TMT1B: variants seen among roughly 807,000 people sequenced by gnomAD.
TMT1B encodes thiol S-methyltransferase TMT1B.
chr12:55,682,383 C>A, the TMT1B span: 1 of 863,698 alleles, frequency 1.2e-6, no homozygotes, highest in Non-Finnish European at 1.8e-6. Context: ...CCTCTACCTG[C>A]TGGTGAATAG....
chr12:55,683,831 T>C, the TMT1B span: 1 of 1,614,028 alleles, frequency 6.2e-7, no homozygotes, highest in Non-Finnish European at 8.5e-7. Context: ...GCTCTTTTTC[T>C]GGGAGCATGT....
the TMT1B span, among the ~76,000 whole-genome samples, chr12:55,683,441 G>A: frequency 3.3e-5 from 5 of 152,022 alleles, no homozygotes; most frequent in South Asian, 2.1e-4. Flanking sequence ...GTTGCAGTGC[G>A]CCGAGATCAC....
chr12:55,681,811 G>T, the TMT1B span: 6 of 1,555,200 alleles, frequency 3.9e-6, no homozygotes, highest in Non-Finnish European at 5.2e-6. Flanking sequence ...CCCTGCCCCT[G>T]CACCTCATGG....
chr12:55,683,728 C>A, the TMT1B span: 2 of 1,355,920 alleles, frequency 1.5e-6, no homozygotes, highest in Non-Finnish European at 2.1e-6. Context: ...CCCATTTCAC[C>A]AAGAAGTTTG....
chr12:55,684,150 A>G, the TMT1B span: 3 of 1,082,416 alleles, frequency 2.8e-6, no homozygotes, highest in Non-Finnish European at 4.1e-6. Flanking sequence ...GGGACCTAGC[A>G]GAATGAGAGA....
chr12:55,681,759 A>C, the TMT1B span: 2 of 1,548,836 alleles, frequency 1.3e-6, no homozygotes, highest in East Asian at 4.9e-5. Context: ...TCTGCCATGG[A>C]CATCCTGGTC....
At chr12:55,683,648 G>T in the TMT1B span, among the ~76,000 whole-genome samples, 1 of 152,098 alleles carries the variant, frequency 6.6e-6, no homozygotes, top group African/African-American at 2.4e-5. Context: ...CACTTTGAAG[G>T]CGGTAGCAGG....
At chr12:55,683,565 C>T in the TMT1B span, among the ~76,000 whole-genome samples, 1 of 152,126 alleles carries the variant, frequency 6.6e-6, no homozygotes, top group Non-Finnish European at 1.5e-5. Context: ...CTTCTGCATG[C>T]CCTCGGTTAT....
At chr12:55,682,055 C>A in the TMT1B span, 1 of 1,614,234 alleles carries the variant, frequency 6.2e-7, no homozygotes, top group Admixed American at 1.7e-5. Context: ...AGACCCAAAT[C>A]CCCACTTTGA....
chr12:55,681,812 C>T, the TMT1B span: 1 of 1,555,710 alleles, frequency 6.4e-7, no homozygotes. Flanking sequence ...CCTGCCCCTG[C>T]ACCTCATGGC....
chr12:55,683,107 C>A, the TMT1B span, among the ~76,000 whole-genome samples: 110 of 152,270 alleles, frequency 7.2e-4, no homozygotes, highest in Non-Finnish European at 1.3e-3. Flanking sequence ...AAGAGTTGGG[C>A]CTGAGGTTTC....
At chr12:55,683,875 G>T in the TMT1B span, 1 of 1,614,090 alleles carries the variant, frequency 6.2e-7, no homozygotes, top group Non-Finnish European at 8.5e-7. Flanking sequence ...CCTTCATGTG[G>T]CAGCAAGTTT....
chr12:55,683,781 C>G, the TMT1B span: 5 of 1,602,976 alleles, frequency 3.1e-6, no homozygotes, highest in Non-Finnish European at 3.4e-6. Context: ...CAGAATGGAG[C>G]CAAGTGACAC....
At chr12:55,683,306 CAACATGGTGA>C in the TMT1B span, among the ~76,000 whole-genome samples, 8 of 152,046 alleles carry the variant, frequency 5.3e-5, no homozygotes, top group Non-Finnish European at 1.5e-5. Flanking sequence ...CCAGACTGGC[CAACATGGTGA>C]AACCCTGTCT....
At chr12:55,684,178 C>T in the TMT1B span, 4 of 843,328 alleles carry the variant, frequency 4.7e-6, no homozygotes, top group Non-Finnish European at 7.5e-6. Flanking sequence ...CATGTACCAC[C>T]TACTAGTCCC....
the TMT1B span, chr12:55,684,124 C>CT: frequency 7.5e-7 from 1 of 1,339,488 alleles, no homozygotes; most frequent in Non-Finnish European, 1.1e-6. Flanking sequence ...ACCAGCCTAT[C>CT]TATCTTCCAC....
At chr12:55,682,602 C>T in the TMT1B span, among the ~76,000 whole-genome samples, 5 of 85,222 alleles carry the variant, frequency 5.9e-5, no homozygotes, top group Non-Finnish European at 8.8e-5. Context: ...GAGATGCCGT[C>T]TCTACAAAAA....
chr12:55,683,938 C>T, the TMT1B span: 21 of 1,614,012 alleles, frequency 1.3e-5, no homozygotes, highest in South Asian at 2.1e-4. Context: ...CCAGAGAGAC[C>T]TGGAAGGATC....
the TMT1B span, among the ~76,000 whole-genome samples, chr12:55,683,367 T>C: frequency 1.3e-5 from 2 of 152,120 alleles, no homozygotes; most frequent in African/African-American, 4.8e-5. Flanking sequence ...TGGTGGCTCA[T>C]GCCTGTAATC....
Sources: allele counts gnomAD v4.1 joint callset (sites outside exome capture counted in the v4.1 genomes callset), GRCh38; gene constraint gnomAD v4.1.1; transcripts MANE v1.5; gene names NCBI Gene and HGNC (gene_info 2026-07-23, HGNC 2026-07-21).